KHDC1: variants seen among roughly 807,000 people sequenced by gnomAD.
KHDC1 encodes KH homology domain-containing protein 1.
In KHDC1, 21 loss-of-function variants were observed where a neutral mutation model predicts 24.7. The ratio of observed to expected loss-of-function variants is 0.85; its 90% CI spans 0.60 to 1.23. The LOEUF is 1.23. KHDC1 is among the 50% of genes most tolerant of loss of function. The pLI is 0.00. For missense variants in KHDC1, 274 were observed against 298.5 expected, an observed-to-expected ratio of 0.92 and a Z score of 0.61; for synonymous variants, 98 against 111.7, an observed-to-expected ratio of 0.88 and a Z score of 0.77.
intron 1 of KHDC1, chr6:73,292,795 G>A (rs915112611): frequency 5.6e-6 from 4 of 712,088 alleles, no homozygotes; most frequent in South Asian, 1.4e-5. Flanking sequence ...CTCAACAGGA[G>A]TCTTACACAT....
intron 1 of KHDC1, among the ~76,000 whole-genome samples, chr6:73,298,837 A>G (rs1397554956): frequency 1.3e-5 from 2 of 152,054 alleles, no homozygotes; most frequent in Non-Finnish European, 1.5e-5. Flanking sequence ...TACTTAGCTC[A>G]AGCGATCCTC....
At chr6:73,256,491 C>T (rs1189749127) in intron 2 of KHDC1, among the ~76,000 whole-genome samples, 1 of 152,126 alleles carries the variant, frequency 6.6e-6, no homozygotes, top group African/African-American at 2.4e-5. Context: ...GGGAGTCTGG[C>T]GTTACAAATG....
chr6:73,292,960 AT>A, intron 1 of KHDC1: 1 of 916,900 alleles, frequency 1.1e-6, no homozygotes, highest in Non-Finnish European at 1.8e-6. Context: ...ATCTCTTCAT[AT>A]TTGAGACTTT....
intron 2 of KHDC1, chr6:73,268,430 T>G (rs1355422642): frequency 6.6e-6 from 1 of 152,646 alleles, no homozygotes; most frequent in Admixed American, 6.6e-5. Flanking sequence ...GAACAAAGCT[T>G]CCACGGTGTG....
At chr6:73,271,220 T>C (rs1436389253) in intron 2 of KHDC1, among the ~76,000 whole-genome samples, 1 of 152,008 alleles carries the variant, frequency 6.6e-6, no homozygotes, top group East Asian at 2.0e-4. Context: ...GTTGTTGTTG[T>C]TGGGGGGGAC....
At chr6:73,306,859 A>C (rs1767975328) in intron 1 of KHDC1, among the ~76,000 whole-genome samples, 1 of 152,012 alleles carries the variant, frequency 6.6e-6, no homozygotes, top group Non-Finnish European at 1.5e-5. Context: ...ATACAAAAAA[A>C]TTAGCCAGGT....
At chr6:73,248,400 T>A (rs958272131) in intron 2 of KHDC1, among the ~76,000 whole-genome samples, 5 of 151,966 alleles carry the variant, frequency 3.3e-5, no homozygotes, top group African/African-American at 4.8e-5. Flanking sequence ...TCTGTCTCTC[T>A]CTCCTCTCTC....
At chr6:73,294,640 C>CA (rs1767726885) in intron 1 of KHDC1, among the ~76,000 whole-genome samples, 1 of 152,152 alleles carries the variant, frequency 6.6e-6, no homozygotes, top group African/African-American at 2.4e-5. Context: ...GCCACTCATC[C>CA]ATTAACAGTG....
intron 2 of KHDC1, among the ~76,000 whole-genome samples, chr6:73,284,238 G>A (rs759996451): frequency 2.0e-5 from 3 of 152,116 alleles, no homozygotes; most frequent in Admixed American, 6.5e-5. Flanking sequence ...CTGCTCAGAA[G>A]GTATGTGGTC....
intron 2 of KHDC1, chr6:73,263,142 C>G: frequency 1.0e-6 from 1 of 988,598 alleles, no homozygotes; most frequent in Non-Finnish European, 1.2e-6. Context: ...GCACCCGACC[C>G]TTCCAGGGGT....
chr6:73,279,268 G>A lies in KHDC1; in HGVS notation c.206+12730C>T, dbSNP rs1472697052. Among the ~76,000 whole-genome samples the A allele has an allele frequency of 2.6e-5, 4 of 152,194 alleles. No homozygotes were observed. The East Asian group carries it at 5.8e-4, about 22-fold the overall frequency. On this transcript the variant is annotated intron_variant, in intron 2 of 4. Transcript: ENST00000370384. ...CTAAAAATACAAAAAACTTAGCCAG[G>A]CATAGTGGCGCACACCTGTAATCCA...
At chr6:73,280,942 C>T (rs1174677070) in intron 2 of KHDC1, among the ~76,000 whole-genome samples, 1 of 151,948 alleles carries the variant, frequency 6.6e-6, no homozygotes, top group African/African-American at 2.4e-5. Context: ...GGCATGGTGG[C>T]TTACGCCTGT....
In KHDC1 at chr6:73,241,361, C is replaced by G. The variant is rs1766560495; in HGVS notation, c.*168G>C. ...TTATTGGATTGCTTTGCCAATAACA[C>G]TTTCTTACATTCAAGAGACTTCCCT... On this transcript the variant is annotated 3_prime_UTR_variant, in exon 5 of 5. Transcript: ENST00000370384. 6 of 624,656 alleles carry G rather than the reference C, an allele frequency of 9.6e-6. No homozygotes were observed. In the South Asian group the frequency reaches 1.2e-4, roughly 12 times the overall value. 38.7% of individuals were successfully genotyped at this position (624,656 alleles called of 1,614,324 possible). A position where few individuals can be genotyped will look rare whatever the true frequency, so the allele number is the denominator to read the frequency against.
chr6:73,277,880 C>T (rs917667072), intron 2 of KHDC1, among the ~76,000 whole-genome samples: 4 of 143,500 alleles, frequency 2.8e-5, no homozygotes, highest in African/African-American at 1.1e-4. Flanking sequence ...AAAAAAAAAT[C>T]ACTAAATTAG....
chr6:73,242,176 C>G (rs767252028), exon 4 of KHDC1: 2 of 1,614,066 alleles, frequency 1.2e-6, no homozygotes, highest in South Asian at 2.2e-5. Context: ...TGAACCAACT[C>G]TCCAGCTGAA....
At chr6:73,283,207 C>T (rs1338888162) in intron 2 of KHDC1, among the ~76,000 whole-genome samples, 1 of 152,124 alleles carries the variant, frequency 6.6e-6, no homozygotes, top group Non-Finnish European at 1.5e-5. Context: ...GAGTTATGCT[C>T]CACCTCCATA....
chr6:73,294,358 A>T (rs1330776727), intron 1 of KHDC1, among the ~76,000 whole-genome samples: 3 of 152,078 alleles, frequency 2.0e-5, no homozygotes, highest in African/African-American at 7.2e-5. Context: ...GACTTATTAG[A>T]TGAAGACTTA....
At chr6:73,248,943 C>CA (rs36010850) in intron 2 of KHDC1, among the ~76,000 whole-genome samples, 49,750 of 137,258 alleles carry the variant, frequency 0.36, 9,589 homozygotes, top group South Asian at 0.62. Flanking sequence ...TGTTGGGAGT[C>CA]AAAAAAAAAA....
chr6:73,247,713 C>T (rs748094449), intron 2 of KHDC1, among the ~76,000 whole-genome samples: 1 of 151,970 alleles, frequency 6.6e-6, no homozygotes, highest in East Asian at 1.9e-4. Context: ...AAAAATTAGC[C>T]GGGCATAGTG....
Sources: gnomAD v4.1 joint callset for allele counts (sites outside exome capture counted in the v4.1 genomes callset) on GRCh38, gnomAD v4.1.1 for gene constraint, MANE v1.5 for transcripts, NCBI Gene and HGNC (gene_info 2026-07-23, HGNC 2026-07-21) for gene names.